Variants in CHD9 observed in about 807,000 individuals in gnomAD.
CHD9 encodes chromodomain helicase DNA binding protein 9, also known as ATP-dependent chromatin remodeler CHD9.
In CHD9, 77 loss-of-function variants were observed where a neutral mutation model predicts 316.1. That is an observed-to-expected ratio of 0.24 (90% CI 0.20 to 0.29). The LOEUF (loss-of-function observed/expected upper bound fraction) is 0.29, where lower values mean the gene tolerates loss of function less well. Among genes scored for constraint, CHD9 ranks in the 10% least tolerant of loss-of-function variants. CHD9 has a pLI of 1.00. For missense variants in CHD9, 2,763 were observed against 3,438.1 expected (o/e 0.80, Z 4.91); for synonymous variants, 1,129 against 1,158.3 (o/e 0.97, Z 0.51).
chr16:53,200,168 C>T (rs983673249), intron 2 of CHD9, among the ~76,000 whole-genome samples: 2 of 151,800 alleles, frequency 1.3e-5, no homozygotes, highest in Non-Finnish European at 1.5e-5. Context: ...GTCAGGAGTT[C>T]GAGACCAGCC....
At chr16:53,140,692 A>G (rs1016008789) in intron 1 of CHD9, among the ~76,000 whole-genome samples, 2 of 152,158 alleles carry the variant, frequency 1.3e-5, no homozygotes, top group African/African-American at 4.8e-5. Flanking sequence ...AGCTCAAATG[A>G]TTCTCTAACC....
intron 10 of CHD9, among the ~76,000 whole-genome samples, chr16:53,232,738 G>A (rs1567527461): frequency 6.6e-6 from 1 of 152,170 alleles, no homozygotes; most frequent in Non-Finnish European, 1.5e-5. Context: ...TTAAGCAGCA[G>A]TTAAAATATA....
chr16:53,088,162 T>C (rs2035626136), intron 1 of CHD9, among the ~76,000 whole-genome samples: 1 of 152,122 alleles, frequency 6.6e-6, no homozygotes, highest in South Asian at 2.1e-4. Context: ...TTCTAGCCCC[T>C]ATATCCTTTC....
chr16:53,155,383 C>T (rs1215486064), intron 1 of CHD9, among the ~76,000 whole-genome samples: 1 of 151,608 alleles, frequency 6.6e-6, no homozygotes, highest in East Asian at 1.9e-4. Context: ...CCACCATGGC[C>T]GAGTAGTTTT....
chr16:53,159,737 G>A (rs533560157), intron 2 of CHD9, among the ~76,000 whole-genome samples: 2 of 152,264 alleles, frequency 1.3e-5, no homozygotes, highest in Non-Finnish European at 2.9e-5. Flanking sequence ...AGCCTCCTGA[G>A]TAGCTGGGAT....
intron 2 of CHD9, among the ~76,000 whole-genome samples, chr16:53,179,911 T>A (rs2043363250): frequency 6.7e-6 from 1 of 149,604 alleles, no homozygotes; most frequent in South Asian, 2.1e-4. Context: ...AAAAAAAAAA[T>A]AGTAATTAAG....
chr16:53,141,452 T>A (rs1204854698), intron 1 of CHD9, among the ~76,000 whole-genome samples: 1 of 152,220 alleles, frequency 6.6e-6, no homozygotes, highest in African/African-American at 2.4e-5. Flanking sequence ...TGTAAAAATA[T>A]CTGTAGCAAA....
chr16:53,055,384 G>A (rs1596819305), intron 1 of CHD9, among the ~76,000 whole-genome samples: 1 of 152,276 alleles, frequency 6.6e-6, no homozygotes, highest in East Asian at 1.9e-4. Context: ...GCCACTCCAG[G>A]GTGGCAGCCG....
intron 3 of CHD9, among the ~76,000 whole-genome samples, chr16:53,218,554 T>C (rs1239012184): frequency 2.0e-5 from 3 of 152,198 alleles, no homozygotes; most frequent in African/African-American, 4.8e-5. Context: ...CATTAACCCT[T>C]ATGCTATTGT....
intron 2 of CHD9, among the ~76,000 whole-genome samples, chr16:53,170,284 A>C (rs900999046): frequency 2.0e-5 from 3 of 152,136 alleles, no homozygotes; most frequent in African/African-American, 7.2e-5. Context: ...ATTGTACTAT[A>C]ATATGTTATA....
chr16:53,299,533 TG>T, intron 30 of CHD9: 1 of 292,878 alleles, frequency 3.4e-6, no homozygotes, highest in Non-Finnish European at 6.7e-6. Flanking sequence ...TTGGAAGAAC[TG>T]GTCAAGTGCC....
chr16:53,131,529 C>A (rs1376566383), intron 1 of CHD9, among the ~76,000 whole-genome samples: 1 of 150,732 alleles, frequency 6.6e-6, no homozygotes, highest in East Asian at 2.0e-4. Context: ...GCTGCCCCCG[C>A]CCCCCGGCCC....
At chr16:53,214,229 G>A (rs968963932) in intron 3 of CHD9, among the ~76,000 whole-genome samples, 20 of 151,946 alleles carry the variant, frequency 1.3e-4, no homozygotes, top group Admixed American at 8.5e-4. Flanking sequence ...TCTTTAGAGA[G>A]ACATTCTTAT....
chr16:53,272,242 A>AT (rs950320903), intron 22 of CHD9, among the ~76,000 whole-genome samples: 6 of 137,332 alleles, frequency 4.4e-5, no homozygotes, highest in African/African-American at 1.4e-4. Context: ...ATCAATTGGA[A>AT]TAAAAAAAAA....
chr16:53,210,629 G>A (rs1475764641), intron 3 of CHD9, among the ~76,000 whole-genome samples: 1 of 152,040 alleles, frequency 6.6e-6, no homozygotes, highest in East Asian at 1.9e-4. Flanking sequence ...AGGACTTCAT[G>A]TGGAAATTTG....
intron 2 of CHD9, among the ~76,000 whole-genome samples, 171 bp downstream of exon 2, chr16:53,157,712 A>G (rs1222114890): frequency 6.6e-6 from 1 of 152,232 alleles, no homozygotes; most frequent in Non-Finnish European, 1.5e-5. Flanking sequence ...TTGTATTGAA[A>G]GTGATTCACT....
chr16:53,292,696 G>T, intron 28 of CHD9, 137 bp from the exon 29 acceptor site: 1 of 670,920 alleles, frequency 1.5e-6, no homozygotes, highest in South Asian at 2.0e-5. Flanking sequence ...ATTGTTAAAA[G>T]AAGCTTTTAG....
rs778094870 is a variant in CHD9, at chr16:53,094,051, C to T, written c.-165+38974C>T. On this transcript the variant is annotated intron_variant, in intron 1 of 38. Transcript: ENST00000447540. ...CTTTATCTTAAGGAAAAAGTGCTTG[C>T]TTCAGCACATGGCCAGTGGGGCCTG... Among the ~76,000 whole-genome samples, 20 of 152,190 alleles carry T rather than the reference C, an allele frequency of 1.3e-4. 1 individual carries two copies. The highest frequency in any genetic ancestry group is 9.8e-4 in the Admixed American group (15 of 15,280).
chr16:53,073,970 A>G (rs2034310461), intron 1 of CHD9, among the ~76,000 whole-genome samples: 1 of 152,170 alleles, frequency 6.6e-6, no homozygotes, highest in Admixed American at 6.5e-5. Flanking sequence ...AACAGTTTGG[A>G]GGGCTCAGAA....
Sources: gnomAD v4.1 joint callset for allele counts (sites outside exome capture counted in the v4.1 genomes callset) on GRCh38, gnomAD v4.1.1 for gene constraint, MANE v1.5 for transcripts, NCBI Gene and HGNC (gene_info 2026-07-23, HGNC 2026-07-21) for gene names.